TMEFF1: variants seen among roughly 807,000 people sequenced by gnomAD.
TMEFF1 encodes the protein transmembrane protein with EGF like and two follistatin like domains 1, also known as tomoregulin-1.
Under a neutral mutation model 47.5 loss-of-function variants are expected in TMEFF1, and 20 were observed. That is an observed-to-expected ratio of 0.42 (90% CI 0.30 to 0.61). The LOEUF is 0.61. TMEFF1 is among the 20% of genes least tolerant of loss of function. TMEFF1 has a pLI of 0.19. For synonymous variants in TMEFF1, 162 were observed against 166.3 expected, an observed-to-expected ratio of 0.97 and a Z score of 0.20; for missense variants, 411 against 471.1, an observed-to-expected ratio of 0.87 and a Z score of 1.18.
intron 2 of TMEFF1, among the ~76,000 whole-genome samples, chr9:100,500,609 T>A (rs1158606703): frequency 6.6e-6 from 1 of 152,226 alleles, no homozygotes; most frequent in Non-Finnish European, 1.5e-5. Flanking sequence ...TTTCCTCTTT[T>A]CATTCACTGT....
At chr9:100,506,438 T>TA (rs1837862677) in intron 2 of TMEFF1, among the ~76,000 whole-genome samples, 1 of 152,076 alleles carries the variant, frequency 6.6e-6, no homozygotes, top group Non-Finnish European at 1.5e-5. Flanking sequence ...CATTTACAGT[T>TA]AGCTTTGTGG....
intron 5 of TMEFF1, among the ~76,000 whole-genome samples, chr9:100,547,397 G>A (rs1838755953): frequency 6.6e-6 from 1 of 152,132 alleles, no homozygotes; most frequent in South Asian, 2.1e-4. Context: ...ATAACTAGGG[G>A]TAGAATTTAG....
chr9:100,507,269 A>C (rs1837881702), intron 2 of TMEFF1, among the ~76,000 whole-genome samples: 1 of 152,136 alleles, frequency 6.6e-6, no homozygotes. Context: ...ATTGTTGGGC[A>C]CCTAGATTGA....
At chr9:100,512,408 C>T (rs1373556223) in intron 3 of TMEFF1, among the ~76,000 whole-genome samples, 1 of 152,112 alleles carries the variant, frequency 6.6e-6, no homozygotes, top group Non-Finnish European at 1.5e-5. Flanking sequence ...GGGAAGGGAA[C>T]AATATTGTTC....
At chr9:100,567,321 C>T (rs1839143554) in intron 8 of TMEFF1, among the ~76,000 whole-genome samples, 1 of 152,194 alleles carries the variant, frequency 6.6e-6, no homozygotes, top group South Asian at 2.1e-4. Flanking sequence ...TCACGTGTTA[C>T]CTTCTTAACC....
chr9:100,507,265 G>A (rs996081578), intron 2 of TMEFF1, among the ~76,000 whole-genome samples: 6 of 151,920 alleles, frequency 3.9e-5, no homozygotes, highest in African/African-American at 1.5e-4. Context: ...CACCATTGTT[G>A]GGCACCTAGA....
chr9:100,506,151 G>T (rs941637963), intron 2 of TMEFF1, among the ~76,000 whole-genome samples: 1 of 152,196 alleles, frequency 6.6e-6, no homozygotes, highest in Non-Finnish European at 1.5e-5. Context: ...TGCTTGACCT[G>T]TGGTAGCATG....
intron 1 of TMEFF1, among the ~76,000 whole-genome samples, chr9:100,495,713 C>G (rs917450147): frequency 1.3e-5 from 2 of 152,042 alleles, no homozygotes; most frequent in Admixed American, 1.3e-4. Context: ...TAAAATATGA[C>G]TAATAACCAG....
intron 5 of TMEFF1, among the ~76,000 whole-genome samples, chr9:100,523,259 C>T (rs966108051): frequency 3.9e-5 from 6 of 152,176 alleles, no homozygotes; most frequent in Non-Finnish European, 8.8e-5. Flanking sequence ...CCTTAGATGC[C>T]GTGTGACTTA....
In TMEFF1 at chr9:100,473,186, G is replaced by C. The variant is rs1837147961; in HGVS notation, c.-359G>C. Reference sequence around the variant, plus strand: ...CGGTGGCAACGGCCACGGACACAAAGGGAAGGCGAGGAGGCGAGCAAGAGG... The same window carrying C: ...CGGTGGCAACGGCCACGGACACAAACGGAAGGCGAGGAGGCGAGCAAGAGG... On this transcript the variant is annotated 5_prime_UTR_variant, in exon 1 of 10. Coordinates refer to ENST00000374879, the MANE Select transcript of TMEFF1 (RefSeq NM_003692.5). This position sits in a 1 kb window ranked among gnomAD's most constrained non-coding sequence, Gnocchi z 5.4. 6.6e-6 allele frequency: 1 copy of C among 150,520 alleles called. No individual in the cohort carries two copies. The highest frequency in any genetic ancestry group is 1.5e-5 in the Non-Finnish European group (1 of 67,292). 9.3% of individuals were successfully genotyped at this position (150,520 alleles called of 1,614,324 possible).
intron 1 of TMEFF1, among the ~76,000 whole-genome samples, chr9:100,493,222 G>T (rs1307922448): frequency 6.6e-6 from 1 of 152,130 alleles, no homozygotes; most frequent in Non-Finnish European, 1.5e-5. Flanking sequence ...CTACAACAAA[G>T]AATTATCTGG....
At chr9:100,552,005 G>C (rs572266734) in intron 7 of TMEFF1, among the ~76,000 whole-genome samples, 1 of 152,176 alleles carries the variant, frequency 6.6e-6, no homozygotes, top group Non-Finnish European at 1.5e-5. Flanking sequence ...GAGAGCATGA[G>C]CATAGATATG....
chr9:100,571,755 A>G (rs1410357409), intron 8 of TMEFF1, among the ~76,000 whole-genome samples: 1 of 152,078 alleles, frequency 6.6e-6, no homozygotes, highest in Non-Finnish European at 1.5e-5. Context: ...TATACAACTC[A>G]CCATAATGTA....
intron 5 of TMEFF1, among the ~76,000 whole-genome samples, chr9:100,522,559 C>T (rs1838182743): frequency 6.7e-6 from 1 of 149,978 alleles, no homozygotes; most frequent in Non-Finnish European, 1.5e-5. Flanking sequence ...GCCTCAGCCT[C>T]CCAAGGAGCT....
At chr9:100,531,410 T>G (rs1174920947) in intron 5 of TMEFF1, among the ~76,000 whole-genome samples, 2 of 152,160 alleles carry the variant, frequency 1.3e-5, no homozygotes, top group Non-Finnish European at 2.9e-5. Flanking sequence ...AAAATCAGTG[T>G]ACAAAAATCA....
intron 1 of TMEFF1, among the ~76,000 whole-genome samples, chr9:100,482,320 C>T (rs905448028): frequency 1.3e-5 from 2 of 152,010 alleles, no homozygotes; most frequent in East Asian, 1.9e-4. Context: ...GCCTCAACCT[C>T]CAGAGTAGCT....
chr9:100,519,413 C>CTAAATAAA lies in TMEFF1; in HGVS notation c.560+2658_560+2665dup, dbSNP rs35043429. ...TGGAGTGAGACTCCATCTCAAAAGA[C>CTAAATAAA]TAAATAAATAAATAAATAAATAATA... On this transcript the variant is annotated intron_variant, in intron 5 of 9. Transcript: ENST00000374879. Among the ~76,000 whole-genome samples the CTAAATAAA allele has an allele frequency of 4.8e-3, 718 of 150,236 alleles. 2 individuals carry two copies. The highest frequency in any genetic ancestry group is 0.017 in the African/African-American group (673 of 40,722).
chr9:100,554,387 G>A (rs1055010438), intron 7 of TMEFF1, among the ~76,000 whole-genome samples: 4 of 152,150 alleles, frequency 2.6e-5, no homozygotes, highest in East Asian at 1.9e-4. Flanking sequence ...AGAGAGGAAG[G>A]TGCTGGGGAG....
chr9:100,566,894 A>T (rs1730665459), intron 8 of TMEFF1, among the ~76,000 whole-genome samples: 1 of 151,892 alleles, frequency 6.6e-6, no homozygotes, highest in Admixed American at 6.6e-5. Context: ...TAGTAGAGAT[A>T]GGGTTTCAGC....
Sources: allele counts gnomAD v4.1 joint callset (sites outside exome capture counted in the v4.1 genomes callset), GRCh38; gene constraint gnomAD v4.1.1; non-coding constraint Gnocchi (gnomAD v3.1); transcripts MANE v1.5; gene names NCBI Gene and HGNC (gene_info 2026-07-23, HGNC 2026-07-21).